UNC13B: variants seen among roughly 807,000 people sequenced by gnomAD.
UNC13B encodes unc-13 homolog B.
UNC13B carries 144 observed loss-of-function variants against 211.0 expected under a neutral mutation model. The ratio of observed to expected loss-of-function variants is 0.68; its 90% CI spans 0.60 to 0.78. UNC13B has a LOEUF of 0.78. Ranked by LOEUF, UNC13B falls within the 30% of genes least tolerant of loss-of-function variation. UNC13B has a pLI of 0.00. For missense variants in UNC13B, 1,777 were observed against 2,002.0 expected (o/e 0.89, Z 2.14); for synonymous variants, 709 against 725.8 (o/e 0.98, Z 0.37).
At chr9:35,323,639 T>C (rs1432367270) in intron 11 of UNC13B, among the ~76,000 whole-genome samples, 5 of 152,212 alleles carry the variant, frequency 3.3e-5, no homozygotes, top group Admixed American at 1.3e-4. Context: ...TTACCTGATA[T>C]CTGAGACCAG....
chr9:35,187,316 A>G (rs551761668), intron 1 of UNC13B, among the ~76,000 whole-genome samples: 122 of 152,316 alleles, frequency 8.0e-4, no homozygotes, highest in Middle Eastern at 3.4e-3. Flanking sequence ...ATTGCCCAGA[A>G]CTAGCATATT....
rs1820815311 is a variant in UNC13B, at chr9:35,162,244, C to G, written c.-40C>G. On this transcript the variant is annotated 5_prime_UTR_variant, in exon 1 of 40. Transcript: ENST00000635942. ...TGAGAGGAAAGAGGGAGCGGTCCGG[C>G]GCGGCTGGGGCGCGGCAGAGGCTTG... 1 of 1,542,132 alleles carries G rather than the reference C, an allele frequency of 6.5e-7. No homozygotes were observed. The highest frequency in any genetic ancestry group is 1.4e-5 in the African/African-American group (1 of 72,938).
intron 7 of UNC13B, among the ~76,000 whole-genome samples, chr9:35,282,373 G>GT (rs1828547514): frequency 2.0e-5 from 3 of 151,868 alleles, no homozygotes; most frequent in South Asian, 2.1e-4. Context: ...ACTAGAGTTT[G>GT]TTTTTGCTTG....
Position 35,378,415 on chromosome 9 carries a change from T to C in UNC13B, c.10184T>C (p.Val3395Ala), listed in dbSNP as rs1449375772. ...TKTIFGNLNP[V>A]WEEKFHFECH... Reference sequence around the variant, plus strand: ...ACCATTTTTGGAAACTTGAATCCTGTTTGGGAGGAGAAGTTCCATTTGTAA... The same window carrying C: ...ACCATTTTTGGAAACTTGAATCCTGCTTGGGAGGAGAAGTTCCATTTGTAA... The change falls in exon 17 of 40, where the codon GTT (valine) becomes GCT (alanine). Residue 3395 changes from valine (V) to alanine (A), a missense_variant. By Grantham distance (64) the Val-to-Ala change is moderately conservative (BLOSUM62 0). Coordinates refer to ENST00000635942, the MANE Select transcript of UNC13B (RefSeq NM_001371189.2). 12 of 1,613,936 alleles carry C rather than the reference T, an allele frequency of 7.4e-6. No homozygotes were observed. The highest frequency in any genetic ancestry group is 7.6e-6 in the Non-Finnish European group (9 of 1,179,990).
intron 1 of UNC13B, among the ~76,000 whole-genome samples, chr9:35,177,089 G>A (rs2131283870): frequency 6.6e-6 from 1 of 152,124 alleles, no homozygotes; most frequent in African/African-American, 2.4e-5. Flanking sequence ...AGCGCAGCCT[G>A]GCCAACATGA....
At position 35,404,140 on chromosome 9, in the gene UNC13B, C is replaced by T. The variant is rs1836535413; in HGVS notation, c.*107C>T. On this transcript the variant is annotated 3_prime_UTR_variant, in exon 40 of 40. Transcript: ENST00000635942. The stretch of plus-strand genomic sequence containing the variant: ...GGGTCTTTGCAGTCAAGAGGCTGAC[C>T]CCTTCAGTTAAAGATATTTAAGGAA... 7.1e-7 allele frequency: 1 copy of T among 1,413,032 alleles called. No homozygotes were observed. The highest frequency in any genetic ancestry group is 2.4e-5 in the East Asian group (1 of 41,336). The allele number at this position is 1,413,032 out of a possible 1,614,324, so 87.5% of individuals were successfully genotyped here. A position where few individuals can be genotyped will look rare whatever the true frequency, so the allele number is the denominator to read the frequency against.
intron 21 of UNC13B, among the ~76,000 whole-genome samples, chr9:35,382,816 G>A (rs756896932): frequency 5.3e-5 from 8 of 152,128 alleles, no homozygotes; most frequent in South Asian, 2.1e-4. Context: ...CACTCACCTC[G>A]GCCTCCCAAA....
At chr9:35,375,478 G>A (rs1263833699) in intron 14 of UNC13B, among the ~76,000 whole-genome samples, 2 of 152,212 alleles carry the variant, frequency 1.3e-5, no homozygotes, top group Non-Finnish European at 2.9e-5. Flanking sequence ...TTCTTAGAAA[G>A]CGTGAATGCT....
At position 35,385,785 on chromosome 9, in the gene UNC13B, T is replaced by C. The variant is rs1326457551; in HGVS notation, c.10937T>C (p.Leu3646Pro). ...GACTTAAAATCCACAGTGGATTTGC[T>C]GACCAGCATTACTTTCTTCAGAATG... ...LQDLKSTVDLLTSITFFRMKV... is the reference protein window; with the variant it reads ...LQDLKSTVDLPTSITFFRMKV... The change falls in exon 23 of 40, where the codon CTG (leucine) becomes CCG (proline). Residue 3646 changes from leucine to proline, a missense_variant. Coordinates refer to ENST00000635942, the MANE Select transcript of UNC13B (RefSeq NM_001371189.2). 3.7e-6 allele frequency: 6 copies of C among 1,609,624 alleles called. No individual in the cohort carries two copies.
chr9:35,350,037 T>C (rs1832614353), intron 11 of UNC13B, among the ~76,000 whole-genome samples: 1 of 152,208 alleles, frequency 6.6e-6, no homozygotes, highest in South Asian at 2.1e-4. Context: ...AAGAGTAGCA[T>C]GTCTCCCACC....
At chr9:35,309,894 A>G (rs1438784199) in intron 9 of UNC13B, among the ~76,000 whole-genome samples, 1 of 152,194 alleles carries the variant, frequency 6.6e-6, no homozygotes, top group Non-Finnish European at 1.5e-5. Context: ...CTATCTTCCA[A>G]TGGGTTCTAT....
intron 1 of UNC13B, among the ~76,000 whole-genome samples, chr9:35,207,625 A>G (rs1587374936): frequency 2.0e-5 from 3 of 151,882 alleles, no homozygotes; most frequent in African/African-American, 7.3e-5. Context: ...GTAAGCCACT[A>G]TGCCTGGCCT....
chr9:35,331,062 A>G (rs1225964061), intron 11 of UNC13B, among the ~76,000 whole-genome samples: 1 of 152,168 alleles, frequency 6.6e-6, no homozygotes, highest in Non-Finnish European at 1.5e-5. Context: ...TCCAAGTAAT[A>G]AGCAAAGCAT....
intron 6 of UNC13B, among the ~76,000 whole-genome samples, chr9:35,258,145 G>A (rs1387888121): frequency 6.6e-6 from 1 of 152,196 alleles, no homozygotes; most frequent in African/African-American, 2.4e-5. Flanking sequence ...GCATTGACTT[G>A]CCTCAGATCT....
At chr9:35,292,390 A>G (rs1587553599) in intron 7 of UNC13B, among the ~76,000 whole-genome samples, 1 of 152,298 alleles carries the variant, frequency 6.6e-6, no homozygotes, top group East Asian at 1.9e-4. Flanking sequence ...ATGAACTACA[A>G]AATGGTTTCT....
intron 2 of UNC13B, among the ~76,000 whole-genome samples, chr9:35,230,738 T>A (rs959235269): frequency 6.6e-6 from 1 of 152,144 alleles, no homozygotes; most frequent in Non-Finnish European, 1.5e-5. Flanking sequence ...GCAAGTGGGC[T>A]ATATAATTAA....
chr9:35,278,278 T>C (rs1445883261), intron 7 of UNC13B, among the ~76,000 whole-genome samples: 1 of 152,230 alleles, frequency 6.6e-6, no homozygotes, highest in African/African-American at 2.4e-5. Flanking sequence ...GTCCTCATTA[T>C]CATCTATCAC....
At chr9:35,199,747 G>T (rs1823168901) in intron 1 of UNC13B, among the ~76,000 whole-genome samples, 3 of 152,146 alleles carry the variant, frequency 2.0e-5, no homozygotes. Context: ...TTAGCCCTTT[G>T]TCAGATGAGT....
chr9:35,261,242 C>A (rs1481214911), intron 7 of UNC13B, among the ~76,000 whole-genome samples: 1 of 152,112 alleles, frequency 6.6e-6, no homozygotes, highest in Non-Finnish European at 1.5e-5. Context: ...TACATACATA[C>A]ACAAAAATAC....
Sources: allele counts gnomAD v4.1 joint callset (sites outside exome capture counted in the v4.1 genomes callset), GRCh38; gene constraint gnomAD v4.1.1; transcripts MANE v1.5; gene names NCBI Gene and HGNC (gene_info 2026-07-23, HGNC 2026-07-21).